The following PICK1 variants were observed in gnomAD, a reference collection of about 807,000 sequenced individuals.
PICK1 encodes the protein PRKCA-binding protein.
PICK1 carries 23 observed loss-of-function variants against 48.9 expected under a neutral mutation model. The ratio of observed to expected loss-of-function variants is 0.47; its 90% CI spans 0.34 to 0.67. The LOEUF (loss-of-function observed/expected upper bound fraction) is 0.67, where lower values mean the gene tolerates loss of function less well. PICK1 is among the 30% of genes least tolerant of loss of function. PICK1 has a pLI of 0.01. For missense variants in PICK1, 423 were observed against 557.1 expected (o/e 0.76, Z 2.42); for synonymous variants, 217 against 228.2 (o/e 0.95, Z 0.44).
rs1200471740 is a variant in PICK1, at chr22:38,074,139, G to A, written c.835-168G>A. The A allele has an allele frequency of 1.3e-6, 1 of 760,224 alleles. No individual in the cohort carries two copies. The highest frequency in any genetic ancestry group is 1.7e-5 in the African/African-American group (1 of 57,214). The allele number at this position is 760,224 out of a possible 1,614,324, so 47.1% of individuals were successfully genotyped here. A position where few individuals can be genotyped will look rare whatever the true frequency, so the allele number is the denominator to read the frequency against. ...CCAGTGTTCATTGAATGTGGCAGAG[G>A]TTTGGGTTTGGTTTTTTCCTCTCTT... On this transcript the variant is annotated intron_variant, in intron 11 of 12. Transcript: ENST00000356976. This position sits in a 1 kb window ranked among gnomAD's most constrained non-coding sequence, Gnocchi z 4.5.
At chr22:38,065,735 C>T (rs115969207) in intron 4 of PICK1, among the ~76,000 whole-genome samples, 1,583 of 152,338 alleles carry the variant, frequency 0.01, 26 homozygotes, top group African/African-American at 0.037. Flanking sequence ...GGCGGCATCC[C>T]GGCCTCTCCT....
Position 38,071,711 on chromosome 22 carries a change from C to T in PICK1, c.523C>T (p.Arg175Trp), listed in dbSNP as rs369159661. The change falls in exon 8 of 13, where the codon CGG (arginine) becomes TGG (tryptophan). Residue 175 changes from arginine (R) to tryptophan (W), a missense_variant. Arg to Trp is a moderately radical substitution (Grantham distance 101). Around this residue, in one of 2 missense-constraint regions of PICK1, gnomAD observed 279 missense variants for 417.8 expected, o/e 0.67. Coordinates refer to ENST00000356976, the MANE Select transcript of PICK1 (RefSeq NM_012407.4). ...GACGGAACACACCAAGAACCTCCTACGGGCCTTTTATGAGCTGTCGCAGAC... is the reference window on the plus strand; with the variant it reads ...GACGGAACACACCAAGAACCTCCTATGGGCCTTTTATGAGCTGTCGCAGAC... ...GMTEHTKNLLRAFYELSQTHR... is the reference protein window; with the variant it reads ...GMTEHTKNLLWAFYELSQTHR... 8.7e-6 allele frequency: 14 copies of T among 1,613,420 alleles called. No individual in the cohort carries two copies. Among genetic ancestry groups the T allele is most frequent in the Admixed American group, 1.7e-5 (1 of 60,010 alleles).
chr22:38,067,616 C>T (rs1335892990), intron 4 of PICK1, 88 bp from the exon 5 acceptor site: 3 of 1,205,496 alleles, frequency 2.5e-6, no homozygotes, highest in South Asian at 2.4e-5. Context: ...GCCTTGGGCT[C>T]AGGAGTCTCA....
chr22:38,068,183 C>T (rs1454882184), intron 5 of PICK1: 3 of 458,052 alleles, frequency 6.5e-6, no homozygotes, highest in Non-Finnish European at 1.3e-5. Flanking sequence ...TCCCTGGCCT[C>T]TCCTGCCATC....
chr22:38,071,566 C>T (rs574968432), intron 7 of PICK1, 116 bp from the exon 8 acceptor site: 322 of 922,948 alleles, frequency 3.5e-4, no homozygotes, highest in Non-Finnish European at 5.5e-4. Flanking sequence ...GGGGAAAGGC[C>T]ATGTATCAGG....
At position 38,057,778 on chromosome 22, in the gene PICK1, C is replaced by T. The variant is rs2085306267; in HGVS notation, c.-32C>T. 1 of 1,607,280 alleles carries T rather than the reference C, an allele frequency of 6.2e-7. No homozygotes were observed. Among genetic ancestry groups the T allele is most frequent in the Non-Finnish European group, 8.5e-7 (1 of 1,173,788 alleles). ...TTCCCCATTCCCCTACCGAGCTGGG[C>T]AGTTAGCCAGCCCACTCCAACTCTC... On this transcript the variant is annotated 5_prime_UTR_variant, in exon 2 of 13. Coordinates refer to ENST00000356976, the MANE Select transcript of PICK1 (RefSeq NM_012407.4).
rs1184799526 is a variant in PICK1 at position 38,074,158 on chromosome 22, C to T, written c.835-149C>T. The stretch of plus-strand genomic sequence containing the variant: ...GCAGAGGTTTGGGTTTGGTTTTTTC[C>T]TCTCTTCAAAGCTATCACTGAGTGC... On this transcript the variant is annotated intron_variant, in intron 11 of 12. Transcript: ENST00000356976. The surrounding 1 kb of genome is among the most constrained non-coding windows in gnomAD (Gnocchi z 4.5). The T allele has an allele frequency of 3.1e-6, 3 of 955,144 alleles. No individual in the cohort carries two copies. In the Admixed American group the frequency reaches 7.3e-5, roughly 23 times the overall value. The allele number at this position is 955,144 out of a possible 1,614,324, so 59.2% of individuals were successfully genotyped here. A position where few individuals can be genotyped will look rare whatever the true frequency, so the allele number is the denominator to read the frequency against.
rs755889770 is a variant in PICK1 at position 38,072,609 on chromosome 22, C to T, written c.689C>T (p.Pro230Leu). Residue 230 changes from proline (P) to leucine (L), a missense_variant and splice_region_variant, in exon 9 of 13, where the codon CCG (proline) becomes CTG (leucine). Physicochemically the swap from Pro to Leu is moderately conservative, Grantham distance 98. Coordinates refer to ENST00000356976, the MANE Select transcript of PICK1 (RefSeq NM_012407.4). Reference protein sequence around the residue: ...FGIRLLKTIKPMLTDLNTYLN... With the variant: ...FGIRLLKTIKLMLTDLNTYLN... ...ATTCGGCTTCTGAAAACCATCAAGC[C>T]GGTAGGTCCTATTGAGCATGTGTGT... is the stretch of plus-strand genomic sequence containing the variant. 3.7e-6 allele frequency: 6 copies of T among 1,613,150 alleles called. No homozygotes were observed. Among genetic ancestry groups the T allele is most frequent in the South Asian group, 3.3e-5 (3 of 91,078 alleles).
chr22:38,072,902 G>A, intron 9 of PICK1, 98 bp from the exon 10 acceptor site: 2 of 894,784 alleles, frequency 2.2e-6, no homozygotes, highest in South Asian at 2.6e-5. Flanking sequence ...GGCTCTGATA[G>A]TCGAGTCCAC....
At position 38,072,589 on chromosome 22, in the gene PICK1, G is replaced by T; in HGVS notation, c.669G>T (p.Arg223=). 2 of 1,613,300 alleles carry T rather than the reference G, an allele frequency of 1.2e-6. No individual in the cohort carries two copies. Among genetic ancestry groups the T allele is most frequent in the Non-Finnish European group, 1.7e-6 (2 of 1,180,040 alleles). ...GCAGCATCGAGAAGTTCGGCATTCG[G>T]CTTCTGAAAACCATCAAGCCGGTAG... ...AHRSIEKFGI[R]LLKTIKPMLT... is the part of the protein sequence containing the mutation. Residue 223 remains arginine, a synonymous_variant, in exon 9 of 13, where the codon CGG becomes CGT. Transcript: ENST00000356976.
chr22:38,074,991 G>A lies in PICK1; in HGVS notation c.1107G>A (p.Leu369=). 1 of 1,613,690 alleles carries A rather than the reference G, an allele frequency of 6.2e-7. No homozygotes were observed. Among genetic ancestry groups the A allele is most frequent in the South Asian group, 1.1e-5 (1 of 91,088 alleles). ...AGGTAGACCTGGCGCACACCACATT[G>A]GCCTATGGCCTCAACCAGGAGGAGT... ...PIEVDLAHTT[L]AYGLNQEEFT... is the part of the protein sequence containing the mutation. The change falls in exon 13 of 13, where the codon TTG becomes TTA. Residue 369 remains leucine (L), a synonymous_variant. Coordinates refer to ENST00000356976, the MANE Select transcript of PICK1 (RefSeq NM_012407.4). This position sits in a 1 kb window ranked among gnomAD's most constrained non-coding sequence, Gnocchi z 4.5.
intron 5 of PICK1, 145 bp downstream of exon 5, chr22:38,067,915 C>A: frequency 1.3e-6 from 1 of 744,152 alleles, no homozygotes; most frequent in Non-Finnish European, 2.4e-6. Context: ...GACCTCTGAC[C>A]AAGCAAATCT....
At chr22:38,068,979 A>T in intron 5 of PICK1, 54 bp from the exon 6 acceptor site, 1 of 1,433,706 alleles carries the variant, frequency 7.0e-7, no homozygotes, top group Non-Finnish European at 9.7e-7. Flanking sequence ...GGCTGGGGGC[A>T]GGGATGGCCT....
intron 3 of PICK1, among the ~76,000 whole-genome samples, chr22:38,062,757 C>T (rs2085435290): frequency 6.6e-6 from 1 of 152,160 alleles, no homozygotes; most frequent in Admixed American, 6.5e-5. Context: ...CTTTTTTGGT[C>T]ATTGTGGTTC....
intron 3 of PICK1, among the ~76,000 whole-genome samples, chr22:38,064,048 G>A (rs2085467502): frequency 6.6e-6 from 1 of 151,956 alleles, no homozygotes. Context: ...ACAATTTTGA[G>A]TTAATTATTA....
intron 4 of PICK1, 145 bp downstream of exon 4, chr22:38,065,275 TC>T: frequency 1.3e-6 from 1 of 770,110 alleles, no homozygotes. Flanking sequence ...AGGGTCACAC[TC>T]CAGCCTCCCT....
chr22:38,074,211 T>C lies in PICK1; in HGVS notation c.835-96T>C. ...CTGAGAAACACTGAAGTCTCAGAAA[T>C]GAGGTCTCAGGAATGAAGAACAGCC... On this transcript the variant is annotated intron_variant, in intron 11 of 12. Transcript: ENST00000356976. This position sits in a 1 kb window ranked among gnomAD's most constrained non-coding sequence, Gnocchi z 4.5. 7.0e-7 allele frequency: 1 copy of C among 1,432,770 alleles called. No homozygotes were observed. Among genetic ancestry groups the C allele is most frequent in the Non-Finnish European group, 9.7e-7 (1 of 1,025,750 alleles). The allele number at this position is 1,432,770 out of a possible 1,614,324, so 88.8% of individuals were successfully genotyped here. A position where few individuals can be genotyped will look rare whatever the true frequency, so the allele number is the denominator to read the frequency against.
intron 5 of PICK1, 111 bp downstream of exon 5, chr22:38,067,881 CAG>C: frequency 1.1e-6 from 1 of 905,344 alleles, no homozygotes; most frequent in Admixed American, 1.9e-5. Context: ...CAGGAGAATC[CAG>C]AGTTACATGG....
chr22:38,065,227 C>A, intron 4 of PICK1, 97 bp downstream of exon 4: 1 of 1,213,876 alleles, frequency 8.2e-7, no homozygotes, highest in Non-Finnish European at 1.2e-6. Flanking sequence ...AAGGGGGTAT[C>A]AGCCCTCACC....
Sources: allele counts gnomAD v4.1 joint callset (sites outside exome capture counted in the v4.1 genomes callset), GRCh38; gene constraint gnomAD v4.1.1; regional missense constraint gnomAD v4.1.1; non-coding constraint Gnocchi (gnomAD v3.1); transcripts MANE v1.5; gene names NCBI Gene and HGNC (gene_info 2026-07-23, HGNC 2026-07-21).